Variants in ACE observed in about 807,000 individuals in gnomAD.
The protein encoded by ACE is angiotensin-converting enzyme.
In ACE, 122 loss-of-function variants were observed where a neutral mutation model predicts 162.3. The observed-to-expected ratio is 0.75, with a 90% confidence interval of 0.65 to 0.87. The LOEUF (loss-of-function observed/expected upper bound fraction) is 0.87. Among genes scored for constraint, ACE ranks in the 40% least tolerant of loss-of-function variants. The pLI, the probability that ACE is intolerant of heterozygous loss-of-function variation, is 0.00. For missense variants in ACE, 1,799 were observed against 1,735.1 expected, an observed-to-expected ratio of 1.04 and a Z score of -0.65; for synonymous variants, 796 against 720.6, an observed-to-expected ratio of 1.10 and a Z score of -1.68.
chr17:63,486,485 A>T, intron 13 of ACE, 72 bp from the exon 14 acceptor site: 1 of 1,576,374 alleles, frequency 6.3e-7, no homozygotes, highest in Non-Finnish European at 8.7e-7. Flanking sequence ...CTCAGCTCCC[A>T]CTTGGGGCCT....
rs2030781426 is a variant in ACE at position 63,496,940 on chromosome 17, G to A, written c.3646G>A (p.Gly1216Arg). The change falls in exon 24 of 25, where the codon GGG (glycine) becomes AGG (arginine). Residue 1216 changes from glycine (G) to arginine (R), a missense_variant. Coordinates refer to ENST00000290866, the MANE Select transcript of ACE (RefSeq NM_000789.4). ...DWLRTENELH[G>R]EKLGWPQYNW... ...GCTCCGCACGGAGAACGAGCTGCAT[G>A]GGGAGAAGCTGGGCTGGCCGCAGTA... 12 of 1,613,196 alleles carry A rather than the reference G, an allele frequency of 7.4e-6. No individual in the cohort carries two copies. The highest frequency in any genetic ancestry group is 1.0e-5 in the Non-Finnish European group (12 of 1,179,938).
rs114171593 is a variant in ACE at position 63,482,390 on chromosome 17, C to A, written c.1119-76C>A. The A allele has an allele frequency of 2.7e-4, 371 of 1,354,580 alleles. 3 individuals are homozygous for A. The African/African-American group carries it at 5.1e-3, about 18-fold the overall frequency. 83.9% of individuals were successfully genotyped at this position (1,354,580 alleles called of 1,614,324 possible). On this transcript the variant is annotated intron_variant, in intron 7 of 24. Transcript: ENST00000290866. ...CCTCCTCATTCCTGTCTTTCAGGTG[C>A]CAATCTGCCCTGTGCCCTGGCCCTG...
intron 19 of ACE, among the ~76,000 whole-genome samples, chr17:63,493,168 A>G (rs940440734): frequency 5.3e-5 from 8 of 152,232 alleles, no homozygotes; most frequent in Non-Finnish European, 1.2e-4. Context: ...ACAGTCAGAA[A>G]GCAACAGGTG....
Position 63,478,059 on chromosome 17 carries a change from C to G in ACE, c.378C>G (p.Thr126=), listed in dbSNP as rs1223106227. ...GCAGGATCATCGGAGCTGTGCGCAC[C>G]CTGGGCTCTGCCAACCTGCCCCTGG... ...QLRRIIGAVR[T]LGSANLPLAK... is the part of the protein sequence containing the mutation. The change falls in exon 2 of 25, where the codon ACC becomes ACG. Residue 126 remains threonine, a synonymous_variant. Transcript: ENST00000290866. The G allele has an allele frequency of 6.3e-7, 1 of 1,599,072 alleles. No homozygotes were observed. The highest frequency in any genetic ancestry group is 8.5e-7 in the Non-Finnish European group (1 of 1,173,214).
chr17:63,477,776 C>T (rs2049642801), intron 1 of ACE, 155 bp from the exon 2 acceptor site: 2 of 865,602 alleles, frequency 2.3e-6, no homozygotes, highest in Admixed American at 2.8e-5. Flanking sequence ...GGAAGCGCGG[C>T]TTCCGCAAAC....
Position 63,481,126 on chromosome 17 carries a change from G to C in ACE, c.883G>C (p.Asp295His), listed in dbSNP as rs989500910. The C allele has an allele frequency of 6.2e-7, 1 of 1,610,966 alleles. No individual in the cohort carries two copies. The highest frequency in any genetic ancestry group is 8.5e-7 in the Non-Finnish European group (1 of 1,178,402). Residue 295 changes from aspartate to histidine, a missense_variant, in exon 6 of 25, where the codon GAC becomes CAC. Transcript: ENST00000290866. ...MWAQSWENIY[D>H]MVVPFPDKPN... Reference sequence around the variant, plus strand: ...GGCCCAGAGCTGGGAAAACATCTACGACATGGTGGTGCCTTTCCCAGACAA... The same window carrying C: ...GGCCCAGAGCTGGGAAAACATCTACCACATGGTGGTGCCTTTCCCAGACAA...
At chr17:63,495,490 T>C (rs776753430) in intron 22 of ACE, among the ~76,000 whole-genome samples, 14 of 152,070 alleles carry the variant, frequency 9.2e-5, no homozygotes, top group Non-Finnish European at 1.6e-4. Flanking sequence ...CATCATCAAG[T>C]GCTAATAACT....
intron 4 of ACE, 58 bp downstream of exon 4, chr17:63,479,970 C>G: frequency 6.4e-7 from 1 of 1,557,522 alleles, no homozygotes; most frequent in Admixed American, 1.9e-5. Flanking sequence ...CAGCTGTCTC[C>G]CCAGAGTCCC....
chr17:63,492,481 C>T (rs752868469), intron 19 of ACE, among the ~76,000 whole-genome samples: 1 of 152,202 alleles, frequency 6.6e-6, no homozygotes, highest in Non-Finnish European at 1.5e-5. Context: ...CCCTTCCAGG[C>T]ATGAGGACTC....
intron 8 of ACE, 26 bp downstream of exon 8, chr17:63,482,715 C>T (rs1208904794): frequency 6.2e-7 from 1 of 1,605,908 alleles, no homozygotes; most frequent in African/African-American, 1.3e-5. Flanking sequence ...GAGGCCCCCA[C>T]CCAGCCTCAC....
At chr17:63,479,642 T>A (rs368463374) in intron 3 of ACE, 127 bp from the exon 4 acceptor site, 2 of 1,312,926 alleles carry the variant, frequency 1.5e-6, no homozygotes, top group South Asian at 2.5e-5. Context: ...GTGGCCCCTG[T>A]CTCTGGGGGC....
chr17:63,478,034 G>A lies in ACE; in HGVS notation c.353G>A (p.Arg118His), dbSNP rs773121538. ...CAGAACTTCACGGACCCGCAGCTGC[G>A]CAGGATCATCGGAGCTGTGCGCACC... ...IWQNFTDPQL[R>H]RIIGAVRTLG... Residue 118 changes from arginine (R) to histidine (H), a missense_variant, in exon 2 of 25, where the codon CGC becomes CAC. Physicochemically the swap from Arg to His is conservative, Grantham distance 29 (BLOSUM62 0). Coordinates refer to ENST00000290866, the MANE Select transcript of ACE (RefSeq NM_000789.4). 1 of 1,607,728 alleles carries A rather than the reference G, an allele frequency of 6.2e-7. No homozygotes were observed. Among genetic ancestry groups the A allele is most frequent in the Middle Eastern group, 1.7e-4 (1 of 6,046 alleles).
rs541823778 is a variant in ACE, at chr17:63,491,158, G to A, written c.2740-51G>A. The A allele has an allele frequency of 1.1e-5, 17 of 1,611,346 alleles. No individual in the cohort carries two copies. Among genetic ancestry groups the A allele is most frequent in the Admixed American group, 1.7e-5 (1 of 60,020 alleles). On this transcript the variant is annotated intron_variant, in intron 18 of 24. Coordinates refer to ENST00000290866, the MANE Select transcript of ACE (RefSeq NM_000789.4). This position sits in a 1 kb window ranked among gnomAD's most constrained non-coding sequence, Gnocchi z 4.4. Reference sequence around the variant, plus strand: ...TCCCCCGGGATCCCCACGGCAGCACGCAGTCTGTCCCCGGAACCCCCAGTT... The same window carrying A: ...TCCCCCGGGATCCCCACGGCAGCACACAGTCTGTCCCCGGAACCCCCAGTT...
chr17:63,479,832 G>T lies in ACE; in HGVS notation c.575G>T (p.Trp192Leu). 6.2e-7 allele frequency: 1 copy of T among 1,613,312 alleles called. No homozygotes were observed. The change falls in exon 4 of 25, where the codon TGG (tryptophan) becomes TTG (leucine). Residue 192 changes from tryptophan to leucine, a missense_variant. Transcript: ENST00000290866. ...YAMLLFAWEGWHNAAGIPLKP... is the reference protein window; with the variant it reads ...YAMLLFAWEGLHNAAGIPLKP... ...ATGCTCCTGTTTGCCTGGGAGGGCT[G>T]GCACAACGCTGCGGGCATCCCGCTG...
At position 63,487,080 on chromosome 17, in the gene ACE, G is replaced by T. The variant is rs2030003061; in HGVS notation, c.2305+7G>T. 6.2e-7 allele frequency: 1 copy of T among 1,612,880 alleles called. No homozygotes were observed. Among genetic ancestry groups the T allele is most frequent in the African/African-American group, 1.3e-5 (1 of 74,942 alleles). On this transcript the variant is annotated splice_region_variant and intron_variant, in intron 15 of 24. Transcript: ENST00000290866. ...TGCCTGCAGCTCGAGCCAGGTGAGAGCTCATGTGCAGGCTGAGTGAGAGGC... is the reference window on the plus strand; with the variant it reads ...TGCCTGCAGCTCGAGCCAGGTGAGATCTCATGTGCAGGCTGAGTGAGAGGC...
chr17:63,494,023 A>T lies in ACE; in HGVS notation c.3238A>T (p.Ser1080Cys), dbSNP rs1472584106. 6.2e-7 allele frequency: 1 copy of T among 1,614,100 alleles called. No homozygotes were observed. The highest frequency in any genetic ancestry group is 1.3e-5 in the African/African-American group (1 of 75,010). Residue 1080 changes from serine (S) to cysteine (C), a missense_variant, in exon 21 of 25, where the codon AGC becomes TGC. By Grantham distance (112) the Ser-to-Cys change is moderately radical (BLOSUM62 -1). Transcript: ENST00000290866. ...GTGGCGCTGGAGGGTATTTGATGGA[A>T]GCATCACCAAGGAGAACTATAACCA... is the stretch of plus-strand genomic sequence containing the variant. The part of the protein sequence containing the change: ...DQWRWRVFDG[S>C]ITKENYNQEW...
chr17:63,477,804 A>G (rs1293057529), intron 1 of ACE, 127 bp from the exon 2 acceptor site: 1 of 1,176,558 alleles, frequency 8.5e-7, no homozygotes, highest in Non-Finnish European at 1.2e-6. Context: ...TCCCGCAGGG[A>G]TCTCCCCAGG....
chr17:63,479,985 C>T, intron 4 of ACE, 73 bp downstream of exon 4: 1 of 1,538,128 alleles, frequency 6.5e-7, no homozygotes, highest in Non-Finnish European at 8.7e-7. Flanking sequence ...AGTCCCAGCC[C>T]AGAGTCAGGC....
Position 63,479,752 on chromosome 17 carries a change from G to C in ACE, c.512-17G>C, listed in dbSNP as rs1486791860. On this transcript the variant is annotated splice_polypyrimidine_tract_variant and intron_variant, in intron 3 of 24. Coordinates refer to ENST00000290866, the MANE Select transcript of ACE (RefSeq NM_000789.4). ...ACGTGGAGGCCTCCTCACCGACCCTGCCTGCCTGTGTCTCAGATCTCACCA... is the reference window on the plus strand; with the variant it reads ...ACGTGGAGGCCTCCTCACCGACCCTCCCTGCCTGTGTCTCAGATCTCACCA... The C allele has an allele frequency of 3.1e-6, 5 of 1,612,826 alleles. No homozygotes were observed. In the Admixed American group the frequency reaches 6.7e-5, roughly 21 times the overall value.
Sources: allele counts gnomAD v4.1 joint callset (sites outside exome capture counted in the v4.1 genomes callset), GRCh38; gene constraint gnomAD v4.1.1; non-coding constraint Gnocchi (gnomAD v3.1); transcripts MANE v1.5; gene names NCBI Gene and HGNC (gene_info 2026-07-23, HGNC 2026-07-21).